The following CSNK1A1 variants were observed in gnomAD, a reference collection of about 807,000 sequenced individuals.
CSNK1A1 encodes casein kinase I isoform alpha.
CSNK1A1 carries 7 observed loss-of-function variants against 46.1 expected under a neutral mutation model. That is an observed-to-expected ratio of 0.15 (90% CI 0.09 to 0.29). The LOEUF (loss-of-function observed/expected upper bound fraction) is 0.29, where lower values mean the gene tolerates loss of function less well. Among genes scored for constraint, CSNK1A1 ranks in the 10% least tolerant of loss-of-function variants. The pLI is 1.00. For synonymous variants in CSNK1A1, 137 were observed against 141.5 expected (o/e 0.97, Z 0.23); for missense variants, 96 against 417.1 (o/e 0.23, Z 6.71).
chr5:149,538,323 T>C (rs1762127516), intron 2 of CSNK1A1, among the ~76,000 whole-genome samples: 1 of 152,058 alleles, frequency 6.6e-6, no homozygotes, highest in Admixed American at 6.6e-5. Flanking sequence ...CGCCCGGCTG[T>C]CCAGTTTCTT....
rs1247398573 is a variant in CSNK1A1 at position 149,520,276 on chromosome 5, A to G, written c.456+14T>C. 1.4e-6 allele frequency: 2 copies of G among 1,473,126 alleles called. No homozygotes were observed. The highest frequency in any genetic ancestry group is 1.9e-6 in the Non-Finnish European group (2 of 1,061,546). 91.3% of individuals were successfully genotyped at this position (1,473,126 alleles called of 1,614,324 possible). A position where few individuals can be genotyped will look rare whatever the true frequency, so the allele number is the denominator to read the frequency against. ...TTACTCTTTGTTCTTTCATGCAAAG[A>G]GCATTTGACTAACCTTATTACAGTG... On this transcript the variant is annotated intron_variant, in intron 4 of 9. Coordinates refer to ENST00000377843, the MANE Select transcript of CSNK1A1 (RefSeq NM_001892.6).
At position 149,505,527 on chromosome 5, in the gene CSNK1A1, G is replaced by A. The variant is rs1322600025; in HGVS notation, c.926C>T (p.Ala309Val). The change falls in exon 9 of 10, where the codon GCA becomes GTA. Residue 309 changes from alanine (A) to valine (V), a missense_variant. Transcript: ENST00000377843. ...TMLKQKAAQQAASSSGQGQQA... is the reference protein window; with the variant it reads ...TMLKQKAAQQVASSSGQGQQA... ...CTGACCCTGCCCACTGGAAGAGGCT[G>A]CCTGCTGTGCTGCTTTCTGCTTTAA... 1.2e-6 allele frequency: 2 copies of A among 1,614,022 alleles called. No homozygotes were observed. Among genetic ancestry groups the A allele is most frequent in the Non-Finnish European group, 1.7e-6 (2 of 1,180,036 alleles).
Position 149,495,744 on chromosome 5 carries a change from TAAAAAAAA to T in CSNK1A1, c.*1101_*1108del, listed in dbSNP as rs149346325. ...TACTAGATATTGTGCCTGCAAGTCA[TAAAAAAAA>T]AAAAAAAAAAAGAAAAAAATGAAAG... On this transcript the variant is annotated 3_prime_UTR_variant, in exon 10 of 10. Coordinates refer to ENST00000377843, the MANE Select transcript of CSNK1A1 (RefSeq NM_001892.6). 1.1e-5 allele frequency: 1 copy of T among 92,770 alleles called. No individual in the cohort carries two copies. Among genetic ancestry groups the T allele is most frequent in the Admixed American group, 1.3e-4 (1 of 7,812 alleles). 5.7% of individuals were successfully genotyped at this position (92,770 alleles called of 1,614,324 possible). A position where few individuals can be genotyped will look rare whatever the true frequency, so the allele number is the denominator to read the frequency against.
chr5:149,542,248 TG>T (rs1458941064), intron 2 of CSNK1A1, among the ~76,000 whole-genome samples: 9 of 152,054 alleles, frequency 5.9e-5, no homozygotes, highest in African/African-American at 2.2e-4. Context: ...CCTGACGATC[TG>T]TTACTGTCTC....
chr5:149,535,008 T>C (rs1762022459), intron 2 of CSNK1A1, among the ~76,000 whole-genome samples: 1 of 151,984 alleles, frequency 6.6e-6, no homozygotes, highest in African/African-American at 2.4e-5. Flanking sequence ...CAATTCTATA[T>C]ACTTAACTCC....
chr5:149,530,990 C>CAAA (rs1362585168), intron 2 of CSNK1A1, among the ~76,000 whole-genome samples: 1 of 54,954 alleles, frequency 1.8e-5, no homozygotes, highest in South Asian at 6.0e-4. Context: ...AACACATAAA[C>CAAA]AAAAAAAAAA....
At chr5:149,497,051 TTC>T (rs1760675340) in intron 9 of CSNK1A1, 191 bp from the exon 10 acceptor site, 8 of 1,411,700 alleles carry the variant, frequency 5.7e-6, no homozygotes, top group Admixed American at 3.2e-5. Flanking sequence ...AACTAATTTT[TTC>T]TGTTTTGAAT....
chr5:149,513,727 C>T (rs1208096748), intron 4 of CSNK1A1, among the ~76,000 whole-genome samples: 1 of 152,018 alleles, frequency 6.6e-6, no homozygotes, highest in Non-Finnish European at 1.5e-5. Context: ...ATGGCAAAGT[C>T]CCACCTCTAC....
intron 2 of CSNK1A1, among the ~76,000 whole-genome samples, chr5:149,533,470 T>C (rs1761959556): frequency 6.6e-6 from 1 of 152,134 alleles, no homozygotes; most frequent in Non-Finnish European, 1.5e-5. Flanking sequence ...TGAAGTCTGG[T>C]GCTCACAAGA....
At chr5:149,528,246 A>C (rs1047072033) in intron 2 of CSNK1A1, among the ~76,000 whole-genome samples, 3 of 152,206 alleles carry the variant, frequency 2.0e-5, no homozygotes. Context: ...AGGAGGATTA[A>C]ATACTTCCTT....
chr5:149,534,403 G>A, intron 2 of CSNK1A1, among the ~76,000 whole-genome samples: 1 of 146,114 alleles, frequency 6.8e-6, no homozygotes, highest in Non-Finnish European at 1.5e-5. Flanking sequence ...AGAATTGCTT[G>A]AACCCGGGAG....
At chr5:149,546,209 G>C (rs1415876598) in intron 2 of CSNK1A1, among the ~76,000 whole-genome samples, 1 of 151,844 alleles carries the variant, frequency 6.6e-6, no homozygotes. Flanking sequence ...GCTTATCCTT[G>C]CTCTTTACTC....
intron 3 of CSNK1A1, among the ~76,000 whole-genome samples, 193 bp from the exon 4 acceptor site, chr5:149,520,581 T>C (rs1392417799): frequency 6.6e-6 from 1 of 152,242 alleles, no homozygotes; most frequent in Admixed American, 6.5e-5. Context: ...TGCTGTGTCC[T>C]TTGGCTTTAC....
chr5:149,498,537 A>T (rs1760726874), intron 9 of CSNK1A1: 1 of 985,186 alleles, frequency 1.0e-6, no homozygotes, highest in African/African-American at 1.7e-5. Context: ...AAAAAGAAAA[A>T]AAGTACAATA....
chr5:149,542,663 TA>T (rs1762329929), intron 2 of CSNK1A1, among the ~76,000 whole-genome samples: 4 of 11,000 alleles, frequency 3.6e-4, no homozygotes, highest in Non-Finnish European at 4.6e-4. Context: ...TATATATATA[TA>T]TATATATGTA....
intron 2 of CSNK1A1, among the ~76,000 whole-genome samples, chr5:149,547,633 G>T (rs1239945762): frequency 6.6e-6 from 1 of 151,422 alleles, no homozygotes; most frequent in Non-Finnish European, 1.5e-5. Flanking sequence ...GTAATGGAAA[G>T]CAAATCAGGG....
At chr5:149,540,145 C>G (rs983189865) in intron 2 of CSNK1A1, among the ~76,000 whole-genome samples, 38 of 152,162 alleles carry the variant, frequency 2.5e-4, no homozygotes, top group Non-Finnish European at 4.4e-4. Flanking sequence ...CATTAAAAAA[C>G]CCTTAAGACC....
intron 9 of CSNK1A1, chr5:149,498,356 C>T (rs1760722830): frequency 1.0e-6 from 1 of 985,252 alleles, no homozygotes; most frequent in East Asian, 1.1e-4. Context: ...TGAGAATATA[C>T]TTCACCATAG....
At chr5:149,497,746 T>C (rs887100503) in intron 9 of CSNK1A1, 1 of 985,478 alleles carries the variant, frequency 1.0e-6, no homozygotes, top group Non-Finnish European at 1.2e-6. Flanking sequence ...CTAGAAACTA[T>C]AGCTCATTCT....
Sources: allele counts gnomAD v4.1 joint callset (sites outside exome capture counted in the v4.1 genomes callset), GRCh38; gene constraint gnomAD v4.1.1; transcripts MANE v1.5; gene names NCBI Gene and HGNC (gene_info 2026-07-23, HGNC 2026-07-21).